KMT2C: variants seen among roughly 807,000 people sequenced by gnomAD.
KMT2C encodes lysine methyltransferase 2C.
A neutral mutation model predicts 507.9 loss-of-function variants in KMT2C; 88 were observed. That is an observed-to-expected ratio of 0.17 (90% CI 0.15 to 0.21). The LOEUF (loss-of-function observed/expected upper bound fraction) is 0.21. Ranked by LOEUF, KMT2C falls within the 10% of genes least tolerant of loss-of-function variation. The pLI is 1.00. For missense variants in KMT2C, 4,954 were observed against 5,957.8 expected (o/e 0.83, Z 5.55); for synonymous variants, 2,049 against 2,080.8 (o/e 0.98, Z 0.42).
intron 1 of KMT2C, among the ~76,000 whole-genome samples, chr7:152,363,132 CAT>C (rs1329263053): frequency 1.3e-5 from 2 of 152,178 alleles, no homozygotes; most frequent in Non-Finnish European, 2.9e-5. Context: ...AAAATAGATA[CAT>C]GTTTTATATT....
intron 23 of KMT2C, among the ~76,000 whole-genome samples, chr7:152,213,062 A>C (rs1231141490): frequency 6.6e-6 from 1 of 152,234 alleles, no homozygotes; most frequent in Non-Finnish European, 1.5e-5. Context: ...AACAGAAAAA[A>C]AACTAAAGAC....
rs951830591 is a variant in KMT2C, at chr7:152,182,963, A to G, written c.5265+11T>C. ...CAACTTCAAAAAGTAGATTATCCAA[A>G]AATTCCATACCTGTCTAAATTTCCA... is the stretch of plus-strand genomic sequence containing the variant. On this transcript the variant is annotated intron_variant, in intron 35 of 58. Coordinates refer to ENST00000262189, the MANE Select transcript of KMT2C (RefSeq NM_170606.3). The G allele has an allele frequency of 6.5e-7, 1 of 1,543,402 alleles. No individual in the cohort carries two copies. Among genetic ancestry groups the G allele is most frequent in the African/African-American group, 1.4e-5 (1 of 71,306 alleles).
chr7:152,312,915 C>T (rs1250069510), intron 4 of KMT2C, among the ~76,000 whole-genome samples: 1 of 152,104 alleles, frequency 6.6e-6, no homozygotes, highest in Admixed American at 6.5e-5. Flanking sequence ...GGATATTTAT[C>T]ATGATTCCTA....
chr7:152,184,027 G>A (rs1018956417), intron 34 of KMT2C, among the ~76,000 whole-genome samples: 8 of 143,624 alleles, frequency 5.6e-5, no homozygotes, highest in African/African-American at 1.8e-4. Context: ...AGCCGAGATC[G>A]CACCATTGCA....
Position 152,251,959 on chromosome 7 carries a change from T to G in KMT2C, c.1601A>C (p.Glu534Ala), listed in dbSNP as rs1278197745. 6.2e-7 allele frequency: 1 copy of G among 1,609,444 alleles called. No homozygotes were observed. The highest frequency in any genetic ancestry group is 8.5e-7 in the Non-Finnish European group (1 of 1,178,152). ...TTTACCTGTAGTGAGCTCAGCTATC[T>G]CCACTTCCTCACCTGGCTGTAAACG... ...MDRLQPGEEV[E>A]IAELTTDYNN... The change falls in exon 11 of 59, where the codon GAG (glutamate) becomes GCG (alanine). Residue 534 changes from glutamate (E) to alanine (A), a missense_variant. By Grantham distance (107) the Glu-to-Ala change is moderately radical. Coordinates refer to ENST00000262189, the MANE Select transcript of KMT2C (RefSeq NM_170606.3).
chr7:152,263,759 T>C (rs1269315328), intron 8 of KMT2C, among the ~76,000 whole-genome samples: 1 of 152,214 alleles, frequency 6.6e-6, no homozygotes, highest in Non-Finnish European at 1.5e-5. Flanking sequence ...AGAATTATAG[T>C]TGAAAACCTA....
chr7:152,282,436 T>A, intron 6 of KMT2C, among the ~76,000 whole-genome samples: 1 of 150,652 alleles, frequency 6.6e-6, no homozygotes. Context: ...TTGAAAGTCC[T>A]CAAAATGCCC....
chr7:152,334,171 AG>A (rs2096910807), intron 2 of KMT2C, among the ~76,000 whole-genome samples: 1 of 152,196 alleles, frequency 6.6e-6, no homozygotes, highest in African/African-American at 2.4e-5. Flanking sequence ...ACGTAGACAA[AG>A]GGGCCGGGTG....
At position 152,138,075 on chromosome 7, in the gene KMT2C, A is replaced by G. The variant is rs143851043; in HGVS notation, c.14643+721T>C. 914 of 152,354 alleles carry G rather than the reference A, an allele frequency of 6.0e-3. 8 individuals carry two copies. The highest frequency in any genetic ancestry group is 0.01 in the Middle Eastern group (3 of 294). 9.4% of individuals were successfully genotyped at this position (152,354 alleles called of 1,614,324 possible). Reference sequence around the variant, plus strand: ...TGCGGGACGTTTCCTACAGAAACCAAGCCTGCTGCTCAGTGACAGCTTTCC... The same window carrying G: ...TGCGGGACGTTTCCTACAGAAACCAGGCCTGCTGCTCAGTGACAGCTTTCC... On this transcript the variant is annotated intron_variant, in intron 58 of 58. Transcript: ENST00000262189. This position sits in a 1 kb window ranked among gnomAD's most constrained non-coding sequence, Gnocchi z 4.2.
intron 1 of KMT2C, among the ~76,000 whole-genome samples, chr7:152,400,524 G>A (rs1002472592): frequency 6.6e-5 from 10 of 152,138 alleles, no homozygotes; most frequent in Admixed American, 5.9e-4. Context: ...CACAGTATCC[G>A]ACTTTTCCTC....
chr7:152,139,237 C>T lies in KMT2C; in HGVS notation c.14483G>A (p.Arg4828His), dbSNP rs1064796342. ...GTCAATCACATGGTCGTTATCCATG[C>T]GGAACATGTACACACCACGGTTCTG... is the stretch of plus-strand genomic sequence containing the variant. The part of the protein sequence containing the change: ...ESQNRGVYMF[R>H]MDNDHVIDAT... Residue 4828 changes from arginine (R) to histidine (H), a missense_variant, in exon 57 of 59, where the codon CGC becomes CAC. Arg to His is a conservative substitution (Grantham distance 29). This residue lies in a region of KMT2C where 133 missense variants were observed against 258.9 expected (regional missense o/e 0.51). Coordinates refer to ENST00000262189, the MANE Select transcript of KMT2C (RefSeq NM_170606.3). 2.5e-6 allele frequency: 4 copies of T among 1,613,772 alleles called. No homozygotes were observed. The highest frequency in any genetic ancestry group is 1.7e-5 in the Admixed American group (1 of 60,010).
At chr7:152,207,626 A>C (rs2094344386) in intron 23 of KMT2C, among the ~76,000 whole-genome samples, 198 bp from the exon 24 acceptor site, 1 of 152,138 alleles carries the variant, frequency 6.6e-6, no homozygotes, top group African/African-American at 2.4e-5. Flanking sequence ...TGTTCCCATG[A>C]AATAAAACAT....
At chr7:152,279,220 T>TA (rs2096151717) in intron 6 of KMT2C, among the ~76,000 whole-genome samples, 1 of 152,226 alleles carries the variant, frequency 6.6e-6, no homozygotes, top group Admixed American at 6.5e-5. Flanking sequence ...CCTTTCTATA[T>TA]AACGGCAGAG....
Position 152,420,507 on chromosome 7 carries a change from T to C in KMT2C, c.161+15119A>G, listed in dbSNP as rs531583781. ...TTATCAACAGAGTAAACAGACAACC[T>C]ACAGAACGGGAGAAAATATCTGCAA... On this transcript the variant is annotated intron_variant, in intron 1 of 58. Coordinates refer to ENST00000262189, the MANE Select transcript of KMT2C (RefSeq NM_170606.3). 4.6e-5 allele frequency among the ~76,000 whole-genome samples: 7 copies of C among 152,228 alleles called. No individual in the cohort carries two copies. The East Asian group carries it at 1.4e-3, about 29-fold the overall frequency.
At chr7:152,297,055 C>CAGAGAGAGAGAGAGAGAGAGAG (rs769381866) in intron 6 of KMT2C, among the ~76,000 whole-genome samples, 6 of 84,406 alleles carry the variant, frequency 7.1e-5, no homozygotes, top group Non-Finnish European at 1.4e-4. Flanking sequence ...GAAAGAAAGA[C>CAGAGAGAGAGAGAGAGAGAGAG]AGAGAGAGAG....
rs183109642 is a variant in KMT2C, at chr7:152,176,614, G to C, written c.8839C>G (p.Pro2947Ala). Reference protein sequence around the residue: ...SPPPPTLPASPSNHVSSLPPF... With the variant: ...SPPPPTLPASASNHVSSLPPF... ...GGCAAACTTGACACATGATTGGATG[G>C]GGAGGCCGGCAGAGTTGGTGGTGGT... The change falls in exon 38 of 59, where the codon CCA becomes GCA. Residue 2947 changes from proline (P) to alanine (A), a missense_variant. Coordinates refer to ENST00000262189, the MANE Select transcript of KMT2C (RefSeq NM_170606.3). The C allele has an allele frequency of 8.1e-6, 13 of 1,614,158 alleles. No individual in the cohort carries two copies. The highest frequency in any genetic ancestry group is 1.1e-5 in the Non-Finnish European group (13 of 1,180,032).
At chr7:152,223,663 A>G (rs752155752) in intron 20 of KMT2C, among the ~76,000 whole-genome samples, 26 of 151,972 alleles carry the variant, frequency 1.7e-4, no homozygotes, top group Non-Finnish European at 3.4e-4. Flanking sequence ...GCGTGGTGGC[A>G]TGCACCTGTA....
chr7:152,176,390 A>G lies in KMT2C; in HGVS notation c.9063T>C (p.Gly3021=). 1.2e-6 allele frequency: 2 copies of G among 1,614,184 alleles called. No individual in the cohort carries two copies. Among genetic ancestry groups the G allele is most frequent in the Non-Finnish European group, 1.7e-6 (2 of 1,180,028 alleles). ...TQTGPQTSQS[G]TSSMSGPQQL... ...GTTGGGGTCCAGACATGCTACTGGT[A>G]CCAGACTGACTTGTTTGAGGCCCAG... The change falls in exon 38 of 59, where the codon GGT becomes GGC. Residue 3021 remains glycine, a synonymous_variant. Transcript: ENST00000262189.
chr7:152,187,389 G>C lies in KMT2C; in HGVS notation c.4881C>G (p.Asp1627Glu), dbSNP rs2093658248. 1 of 1,613,948 alleles carries C rather than the reference G, an allele frequency of 6.2e-7. No individual in the cohort carries two copies. The highest frequency in any genetic ancestry group is 8.5e-7 in the Non-Finnish European group (1 of 1,179,970). ...SSAPTVEGEN[D>E]TMSNAQRSTL... ...TGCTTCTCTGGGCATTCGACATTGT[G>C]TCATTTTCTCCTTCCACAGTGGGAG... The change falls in exon 33 of 59, where the codon GAC (aspartate) becomes GAG (glutamate). Residue 1627 changes from aspartate to glutamate, a missense_variant. By Grantham distance (45) the Asp-to-Glu change is conservative. This residue lies in a region of KMT2C where 195 missense variants were observed against 183.7 expected (regional missense o/e 1.06). Transcript: ENST00000262189.
Sources: allele counts gnomAD v4.1 joint callset (sites outside exome capture counted in the v4.1 genomes callset), GRCh38; gene constraint gnomAD v4.1.1; regional missense constraint gnomAD v4.1.1; non-coding constraint Gnocchi (gnomAD v3.1); transcripts MANE v1.5; gene names NCBI Gene and HGNC (gene_info 2026-07-23, HGNC 2026-07-21).